RNF180: variants seen among roughly 807,000 people sequenced by gnomAD.
The protein encoded by RNF180 is ring finger protein 180, also known as E3 ubiquitin-protein ligase RNF180.
In RNF180, 38 loss-of-function variants were observed where a neutral mutation model predicts 59.2. The observed-to-expected ratio is 0.64, with a 90% CI of 0.50 to 0.84. The LOEUF (loss-of-function observed/expected upper bound fraction) is 0.84, where lower values mean the gene tolerates loss of function less well. RNF180 is among the 40% of genes least tolerant of loss of function. RNF180 has a pLI of 0.00. For missense variants in RNF180, 705 were observed against 700.9 expected (o/e 1.01, Z -0.07); for synonymous variants, 262 against 240.3 (o/e 1.09, Z -0.84).
At position 64,370,929 on chromosome 5, in the gene RNF180, C is replaced by T. The variant is rs1310169727; in HGVS notation, c.*1115C>T. Reference sequence around the variant, plus strand: ...CTATGATGTCATATATCTGGTAATTCAATAAGCAAACTTTTACATAAAATA... The same window carrying T: ...CTATGATGTCATATATCTGGTAATTTAATAAGCAAACTTTTACATAAAATA... On this transcript the variant is annotated 3_prime_UTR_variant, in exon 8 of 8. Coordinates refer to ENST00000389100, the MANE Select transcript of RNF180 (RefSeq NM_001113561.2). 1 of 151,528 alleles carries T rather than the reference C, an allele frequency of 6.6e-6. No individual in the cohort carries two copies. The highest frequency in any genetic ancestry group is 1.5e-5 in the Non-Finnish European group (1 of 67,708). 9.4% of individuals were successfully genotyped at this position (151,528 alleles called of 1,614,324 possible).
intron 5 of RNF180, among the ~76,000 whole-genome samples, chr5:64,259,675 C>A (rs1337714255): frequency 1.3e-5 from 2 of 152,148 alleles, no homozygotes; most frequent in Non-Finnish European, 2.9e-5. Flanking sequence ...GTAATCCCAG[C>A]ACTTTGGGAG....
chr5:64,262,782 A>G (rs1239123179), intron 5 of RNF180, among the ~76,000 whole-genome samples: 5 of 152,132 alleles, frequency 3.3e-5, no homozygotes, highest in Admixed American at 2.0e-4. Flanking sequence ...AAAGTCCTCA[A>G]AAGGGGCTCC....
chr5:64,343,588 A>G (rs1401137247), intron 7 of RNF180, among the ~76,000 whole-genome samples: 1 of 151,896 alleles, frequency 6.6e-6, no homozygotes. Context: ...CTGAAACCCA[A>G]ATATAAAGAA....
chr5:64,199,372 G>C (rs560257515), intron 1 of RNF180, among the ~76,000 whole-genome samples: 1 of 152,184 alleles, frequency 6.6e-6, no homozygotes, highest in South Asian at 2.1e-4. Context: ...GCATGTCTCC[G>C]TGTTCACCCT....
At chr5:64,261,008 A>G (rs1744309003) in intron 5 of RNF180, among the ~76,000 whole-genome samples, 1 of 151,958 alleles carries the variant, frequency 6.6e-6, no homozygotes, top group Non-Finnish European at 1.5e-5. Flanking sequence ...CTGAATGCAA[A>G]CAAGTATTTT....
chr5:64,190,701 AG>A (rs1412221444), intron 1 of RNF180, among the ~76,000 whole-genome samples: 2 of 152,224 alleles, frequency 1.3e-5, no homozygotes, highest in African/African-American at 4.8e-5. Flanking sequence ...GCTGTAACCC[AG>A]TAGGACTCCT....
intron 7 of RNF180, 108 bp from the exon 8 acceptor site, chr5:64,369,507 C>G (rs542276999): frequency 1.7e-6 from 1 of 589,194 alleles, no homozygotes; most frequent in Non-Finnish European, 2.8e-6. Flanking sequence ...AACATAACTC[C>G]GCTCAGTGAA....
chr5:64,259,480 T>C lies in RNF180; in HGVS notation c.1227+42084T>C, dbSNP rs554747650. Among the ~76,000 whole-genome samples the C allele has an allele frequency of 8.5e-5, 13 of 152,324 alleles. No individual in the cohort carries two copies. In the East Asian group the frequency reaches 2.5e-3, roughly 29 times the overall value. ...AACTAGTCAAGTATAGACCTTGTGA[T>C]GTTCAACTCACACAGCTTAGCTCTG... On this transcript the variant is annotated intron_variant, in intron 5 of 7. Transcript: ENST00000389100.
At chr5:64,243,131 GC>G (rs1742896686) in intron 5 of RNF180, among the ~76,000 whole-genome samples, 1 of 152,216 alleles carries the variant, frequency 6.6e-6, no homozygotes, top group Non-Finnish European at 1.5e-5. Flanking sequence ...CACCAACAGA[GC>G]CCTGGGTTTC....
intron 5 of RNF180, among the ~76,000 whole-genome samples, chr5:64,230,240 A>G (rs1561205108): frequency 2.0e-5 from 3 of 152,242 alleles, no homozygotes; most frequent in Non-Finnish European, 4.4e-5. Context: ...TTCATTTGCT[A>G]TTGCCACTGT....
At chr5:64,359,066 G>A (rs1202167046) in intron 7 of RNF180, among the ~76,000 whole-genome samples, 1 of 151,018 alleles carries the variant, frequency 6.6e-6, no homozygotes, top group African/African-American at 2.4e-5. Flanking sequence ...CCAAGTCTTT[G>A]CTATCGTGAA....
At chr5:64,249,392 A>G (rs1284543007) in intron 5 of RNF180, among the ~76,000 whole-genome samples, 1 of 152,218 alleles carries the variant, frequency 6.6e-6, no homozygotes, top group Non-Finnish European at 1.5e-5. Flanking sequence ...CTTACAGGCC[A>G]GGATAGAGTG....
At chr5:64,198,745 T>G (rs1346974196) in intron 1 of RNF180, among the ~76,000 whole-genome samples, 1 of 151,830 alleles carries the variant, frequency 6.6e-6, no homozygotes, top group Non-Finnish European at 1.5e-5. Context: ...GAAAGAAGAA[T>G]ACTAAAGAAG....
chr5:64,234,864 G>T (rs970424774), intron 5 of RNF180, among the ~76,000 whole-genome samples: 2 of 151,966 alleles, frequency 1.3e-5, no homozygotes, highest in Non-Finnish European at 2.9e-5. Context: ...CTCCCGAGGC[G>T]CTGGGATTAC....
intron 1 of RNF180, among the ~76,000 whole-genome samples, chr5:64,191,626 T>C (rs1229776407): frequency 6.6e-6 from 1 of 152,244 alleles, no homozygotes; most frequent in Non-Finnish European, 1.5e-5. Context: ...CTTTAAAGAC[T>C]AATATGTCAG....
chr5:64,299,018 T>C (rs1017293400), intron 5 of RNF180, among the ~76,000 whole-genome samples: 9 of 151,898 alleles, frequency 5.9e-5, no homozygotes, highest in African/African-American at 2.2e-4. Context: ...TGGCCTTTGG[T>C]AGGTATTAAT....
intron 2 of RNF180, among the ~76,000 whole-genome samples, chr5:64,205,270 G>T (rs889607562): frequency 1.3e-5 from 2 of 152,112 alleles, no homozygotes; most frequent in African/African-American, 4.8e-5. Context: ...GGATATTTGA[G>T]CTTTAGTTAT....
chr5:64,308,080 T>G (rs1743566482), intron 5 of RNF180, among the ~76,000 whole-genome samples: 1 of 151,802 alleles, frequency 6.6e-6, no homozygotes, highest in African/African-American at 2.4e-5. Flanking sequence ...AAATTTCAGC[T>G]ATTCTAAGAA....
At chr5:64,298,267 G>T (rs1742990676) in intron 5 of RNF180, among the ~76,000 whole-genome samples, 1 of 151,830 alleles carries the variant, frequency 6.6e-6, no homozygotes, top group Non-Finnish European at 1.5e-5. Flanking sequence ...CTATCATTTA[G>T]ATCAAGTCCA....
Sources: allele counts gnomAD v4.1 joint callset (sites outside exome capture counted in the v4.1 genomes callset), GRCh38; gene constraint gnomAD v4.1.1; transcripts MANE v1.5; gene names NCBI Gene and HGNC (gene_info 2026-07-23, HGNC 2026-07-21).